ADAM9: variants seen among roughly 807,000 people sequenced by gnomAD.
ADAM9 encodes ADAM metallopeptidase domain 9.
ADAM9 carries 54 observed loss-of-function variants against 108.1 expected under a neutral mutation model. The observed-to-expected ratio is 0.50, with a 90% CI of 0.40 to 0.63. The LOEUF (loss-of-function observed/expected upper bound fraction) is 0.63. ADAM9 is among the 20% of genes least tolerant of loss of function. The pLI is 0.00. For synonymous variants in ADAM9, 316 were observed against 336.0 expected (o/e 0.94, Z 0.65); for missense variants, 830 against 997.7 (o/e 0.83, Z 2.26).
chr8:39,005,677 C>T (rs1211498656), intron 1 of ADAM9, among the ~76,000 whole-genome samples: 1 of 152,174 alleles, frequency 6.6e-6, no homozygotes, highest in Non-Finnish European at 1.5e-5. Context: ...TCAGAAACAA[C>T]TGATGAGACT....
Position 39,104,439 on chromosome 8 carries a change from C to G in ADAM9, c.*739C>G, listed in dbSNP as rs746983290. 2.4e-6 allele frequency: 1 copy of G among 423,436 alleles called. No homozygotes were observed. The highest frequency in any genetic ancestry group is 4.7e-6 in the Non-Finnish European group (1 of 211,494). 26.2% of individuals were successfully genotyped at this position (423,436 alleles called of 1,614,324 possible). Reference sequence around the variant, plus strand: ...ATGAATCATGTGAAAGCATGACATTCGTTCACAATAGCACTATTTTAAATA... The same window carrying G: ...ATGAATCATGTGAAAGCATGACATTGGTTCACAATAGCACTATTTTAAATA... On this transcript the variant is annotated 3_prime_UTR_variant, in exon 22 of 22. Transcript: ENST00000487273.
chr8:39,039,393 A>AT (rs923801932), intron 11 of ADAM9, among the ~76,000 whole-genome samples: 118 of 152,344 alleles, frequency 7.7e-4, no homozygotes, highest in African/African-American at 2.8e-3. Context: ...ATTGTTGCCC[A>AT]TTTTTTGTGT....
chr8:39,102,082 C>A, intron 21 of ADAM9, 152 bp downstream of exon 21: 1 of 730,642 alleles, frequency 1.4e-6, no homozygotes, highest in South Asian at 1.8e-5. Flanking sequence ...TTTAAAATAA[C>A]TTTATATAAA....
intron 16 of ADAM9, among the ~76,000 whole-genome samples, chr8:39,081,039 T>C (rs1039004967): frequency 4.4e-4 from 66 of 149,474 alleles, no homozygotes; most frequent in African/African-American, 1.6e-3. Context: ...CTGCAGCCTC[T>C]GCCTCCTGGG....
chr8:39,046,566 C>T (rs1837781490), intron 12 of ADAM9, among the ~76,000 whole-genome samples: 1 of 152,052 alleles, frequency 6.6e-6, no homozygotes, highest in Non-Finnish European at 1.5e-5. Context: ...TTTTGTTTTT[C>T]ACAACTAGGT....
intron 9 of ADAM9, among the ~76,000 whole-genome samples, chr8:39,024,798 C>T (rs6991383): frequency 0.43 from 64,677 of 151,936 alleles, 14,583 homozygotes; most frequent in East Asian, 0.73. Flanking sequence ...AGTATGTTAA[C>T]CAATGATAAG....
At chr8:39,084,564 A>C (rs1313737388) in intron 18 of ADAM9, among the ~76,000 whole-genome samples, 2 of 150,890 alleles carry the variant, frequency 1.3e-5, no homozygotes, top group Non-Finnish European at 3.0e-5. Context: ...AAGAGAACAT[A>C]TTGTGTATGA....
At chr8:39,006,398 A>G (rs1230415601) in intron 1 of ADAM9, among the ~76,000 whole-genome samples, 5 of 151,912 alleles carry the variant, frequency 3.3e-5, no homozygotes, top group Non-Finnish European at 7.4e-5. Flanking sequence ...CATTTTATAT[A>G]CAATGTTATC....
intron 14 of ADAM9, among the ~76,000 whole-genome samples, chr8:39,068,766 G>T (rs1250246910): frequency 6.8e-6 from 1 of 147,948 alleles, no homozygotes; most frequent in Non-Finnish European, 1.5e-5. Context: ...GGAAAATAAG[G>T]CTGGGACCTC....
At position 39,017,266 on chromosome 8, in the gene ADAM9, A is replaced by G. The variant is rs1352229580; in HGVS notation, c.458A>G (p.Gln153Arg). ...ENASYGIEPL[Q>R]NSSHFEHIIY... Reference sequence around the variant, plus strand: ...GCGAGTTATGGGATTGAACCCCTGCAGAACAGCTCTCATTTTGAGCACATC... The same window carrying G: ...GCGAGTTATGGGATTGAACCCCTGCGGAACAGCTCTCATTTTGAGCACATC... Residue 153 changes from glutamine to arginine, a missense_variant, in exon 6 of 22, where the codon CAG (glutamine) becomes CGG (arginine). By Grantham distance (43) the Gln-to-Arg change is conservative. Coordinates refer to ENST00000487273, the MANE Select transcript of ADAM9 (RefSeq NM_003816.3). 1 of 1,614,186 alleles carries G rather than the reference A, an allele frequency of 6.2e-7. No individual in the cohort carries two copies.
chr8:39,089,918 C>T, intron 18 of ADAM9, 129 bp from the exon 19 acceptor site: 3 of 1,029,920 alleles, frequency 2.9e-6, no homozygotes, highest in Non-Finnish European at 4.6e-6. Flanking sequence ...GAAGACTTCT[C>T]AATATATTCA....
At chr8:39,035,538 A>G (rs1293830385) in intron 11 of ADAM9, among the ~76,000 whole-genome samples, 2 of 152,014 alleles carry the variant, frequency 1.3e-5, no homozygotes, top group Non-Finnish European at 2.9e-5. Flanking sequence ...TAATTTCTAG[A>G]CCGGGTGCGG....
At chr8:39,007,075 G>T (rs572708169) in intron 1 of ADAM9, among the ~76,000 whole-genome samples, 35 of 152,198 alleles carry the variant, frequency 2.3e-4, no homozygotes, top group Non-Finnish European at 4.9e-4. Context: ...AGGCTGTACA[G>T]GAAGCATGGC....
intron 14 of ADAM9, among the ~76,000 whole-genome samples, chr8:39,070,759 T>TAA (rs79278083): frequency 7.4e-5 from 10 of 135,066 alleles, no homozygotes; most frequent in East Asian, 2.1e-4. Flanking sequence ...TCCTGTCTCT[T>TAA]AAAAAAAAAA....
At chr8:39,016,509 A>G (rs1836531714) in intron 5 of ADAM9, among the ~76,000 whole-genome samples, 1 of 152,194 alleles carries the variant, frequency 6.6e-6, no homozygotes, top group Admixed American at 6.5e-5. Flanking sequence ...TGTATTATTT[A>G]AGACTTGTAT....
At chr8:39,071,139 A>C (rs1005558488) in intron 14 of ADAM9, among the ~76,000 whole-genome samples, 159 bp from the exon 15 acceptor site, 1 of 152,212 alleles carries the variant, frequency 6.6e-6, no homozygotes, top group East Asian at 1.9e-4. Context: ...AATGTGGAAC[A>C]AAAATGTATC....
chr8:39,045,122 G>GTGTATACATACATATGTGTATATA lies in ADAM9; in HGVS notation c.1302+3008_1302+3009insATACATACATATGTGTATATATGT, dbSNP rs1837625675. ...TGTGTGTGCATACATACATATGTGT[G>GTGTATACATACATATGTGTATATA]TGTGCATACATACATATATGTGTAT... On this transcript the variant is annotated intron_variant, in intron 12 of 21. Coordinates refer to ENST00000487273, the MANE Select transcript of ADAM9 (RefSeq NM_003816.3). Among the ~76,000 whole-genome samples, 7 of 67,898 alleles carry GTGTATACATACATATGTGTATATA rather than the reference G, an allele frequency of 1.0e-4. 2 individuals carry two copies. Among genetic ancestry groups the GTGTATACATACATATGTGTATATA allele is most frequent in the African/African-American group, 4.6e-4 (6 of 12,918 alleles). The allele number at this position is 67,898 out of a possible 152,430, so 44.5% of individuals were successfully genotyped here.
At chr8:39,055,074 G>A (rs2129438725) in intron 13 of ADAM9, among the ~76,000 whole-genome samples, 1 of 152,144 alleles carries the variant, frequency 6.6e-6, no homozygotes, top group Non-Finnish European at 1.5e-5. Flanking sequence ...GGTTATTTAA[G>A]TAATATTACT....
rs139303985 is a variant in ADAM9, at chr8:38,997,857, C to T, written c.97+697C>T. Among the ~76,000 whole-genome samples, 816 of 152,316 alleles carry T rather than the reference C, an allele frequency of 5.4e-3. 11 individuals carry two copies. Among genetic ancestry groups the T allele is most frequent in the African/African-American group, 0.018 (761 of 41,542 alleles). Reference sequence around the variant, plus strand: ...GTTAAATCCGGACAGATAATCCCTGCTCTTTTGAACTCACAGGATTATTGT... The same window carrying T: ...GTTAAATCCGGACAGATAATCCCTGTTCTTTTGAACTCACAGGATTATTGT... On this transcript the variant is annotated intron_variant, in intron 1 of 21. Coordinates refer to ENST00000487273, the MANE Select transcript of ADAM9 (RefSeq NM_003816.3).
Sources: gnomAD v4.1 joint callset for allele counts (sites outside exome capture counted in the v4.1 genomes callset) on GRCh38, gnomAD v4.1.1 for gene constraint, MANE v1.5 for transcripts, NCBI Gene and HGNC (gene_info 2026-07-23, HGNC 2026-07-21) for gene names.